Variants in NAALADL2 observed in about 807,000 individuals in gnomAD.
NAALADL2 encodes the protein N-acetylated alpha-linked acidic dipeptidase like 2.
NAALADL2 carries 76 observed loss-of-function variants against 87.2 expected under a neutral mutation model. The ratio of observed to expected loss-of-function variants is 0.87; its 90% confidence interval spans 0.72 to 1.05. The LOEUF is 1.05. NAALADL2 is among the 50% of genes least tolerant of loss of function. NAALADL2 has a pLI of 0.00. For missense variants in NAALADL2, 1,089 were observed against 945.8 expected, an observed-to-expected ratio of 1.15 and a Z score of -1.99; for synonymous variants, 354 against 331.0, an observed-to-expected ratio of 1.07 and a Z score of -0.75.
chr3:175,255,953 G>GT (rs1235203375), intron 3 of NAALADL2, among the ~76,000 whole-genome samples: 1 of 152,222 alleles, frequency 6.6e-6, no homozygotes. Context: ...ATGAGCAGCT[G>GT]TTCAGGATGA....
Position 175,667,121 on chromosome 3 carries a change from G to A in NAALADL2, c.1896+39735G>A, listed in dbSNP as rs188792419. 3.8e-3 allele frequency among the ~76,000 whole-genome samples: 555 copies of A among 146,682 alleles called. 2 individuals are homozygous for A. The highest frequency in any genetic ancestry group is 0.013 in the African/African-American group (529 of 39,508). On this transcript the variant is annotated intron_variant, in intron 11 of 13. Transcript: ENST00000454872. Reference sequence around the variant, plus strand: ...AAGGAAGGAAGGAAGGAAAGAGAGAGAGAGAAAAAGAAAGAAAGAAAGAGA... The same window carrying A: ...AAGGAAGGAAGGAAGGAAAGAGAGAAAGAGAAAAAGAAAGAAAGAAAGAGA...
At chr3:175,200,868 C>A (rs913139118) in intron 2 of NAALADL2, among the ~76,000 whole-genome samples, 4 of 152,156 alleles carry the variant, frequency 2.6e-5, no homozygotes, top group Admixed American at 1.3e-4. Context: ...AAATTCCAGA[C>A]TATACTGTAC....
intron 1 of NAALADL2, among the ~76,000 whole-genome samples, chr3:175,020,054 A>G (rs755436398): frequency 6.6e-6 from 1 of 152,066 alleles, no homozygotes; most frequent in Non-Finnish European, 1.5e-5. Flanking sequence ...CACAATTAAC[A>G]AACAGGAGCA....
chr3:175,743,791 G>A (rs997208850), intron 12 of NAALADL2, among the ~76,000 whole-genome samples: 2 of 152,182 alleles, frequency 1.3e-5, no homozygotes, highest in Admixed American at 6.5e-5. Context: ...TAGAAAGAGT[G>A]CAGACATTGG....
chr3:175,291,386 G>GTTT (rs1581275089), intron 4 of NAALADL2, among the ~76,000 whole-genome samples: 1 of 152,080 alleles, frequency 6.6e-6, no homozygotes, highest in South Asian at 2.1e-4. Flanking sequence ...TGATAAATAG[G>GTTT]TTTATCTTGT....
intron 2 of NAALADL2, among the ~76,000 whole-genome samples, chr3:175,166,333 C>T (rs1344756833): frequency 6.6e-6 from 1 of 151,920 alleles, no homozygotes; most frequent in Non-Finnish European, 1.5e-5. Flanking sequence ...TCCCTTGCAT[C>T]CTCAAATTTC....
At chr3:175,451,254 T>A (rs1002714139) in intron 6 of NAALADL2, among the ~76,000 whole-genome samples, 2 of 152,092 alleles carry the variant, frequency 1.3e-5, no homozygotes, top group Admixed American at 1.3e-4. Context: ...AACAAAAGAA[T>A]TAAATGCCTT....
chr3:175,405,772 T>C (rs1265219854), intron 5 of NAALADL2, among the ~76,000 whole-genome samples: 1 of 152,220 alleles, frequency 6.6e-6, no homozygotes, highest in Non-Finnish European at 1.5e-5. Flanking sequence ...GTGCATTGTC[T>C]CATTTAATCT....
At chr3:175,722,302 T>C (rs1231832415) in intron 11 of NAALADL2, among the ~76,000 whole-genome samples, 1 of 152,134 alleles carries the variant, frequency 6.6e-6, no homozygotes, top group Non-Finnish European at 1.5e-5. Context: ...TTAAGTTATA[T>C]ATTTCACAAG....
intron 10 of NAALADL2, among the ~76,000 whole-genome samples, chr3:175,584,418 A>G (rs1285089995): frequency 1.3e-5 from 2 of 152,180 alleles, no homozygotes; most frequent in Admixed American, 6.5e-5. Context: ...CATCTATTCA[A>G]TGATAGAATC....
chr3:175,051,343 T>C (rs1300757479), intron 1 of NAALADL2, among the ~76,000 whole-genome samples: 1 of 152,162 alleles, frequency 6.6e-6, no homozygotes, highest in Non-Finnish European at 1.5e-5. Context: ...AGGCATAGCT[T>C]TGAGGGGTCT....
chr3:175,677,946 A>T (rs900826398), intron 11 of NAALADL2, among the ~76,000 whole-genome samples: 3 of 152,098 alleles, frequency 2.0e-5, no homozygotes, highest in Admixed American at 6.5e-5. Context: ...AGCTGTCTCT[A>T]TATAATCATA....
chr3:175,463,557 A>G (rs891733890), intron 7 of NAALADL2, 64 bp downstream of exon 7: 1 of 843,066 alleles, frequency 1.2e-6, no homozygotes, highest in African/African-American at 1.7e-5. Flanking sequence ...AATGCTCTGT[A>G]ATAATTTAAT....
At chr3:175,695,963 T>A (rs147769213) in intron 11 of NAALADL2, among the ~76,000 whole-genome samples, 63 of 152,288 alleles carry the variant, frequency 4.1e-4, no homozygotes, top group African/African-American at 1.5e-3. Context: ...TCACTGGGTA[T>A]GCAAAATAGA....
chr3:175,761,718 T>C (rs1407571094), intron 13 of NAALADL2, among the ~76,000 whole-genome samples: 3 of 152,210 alleles, frequency 2.0e-5, no homozygotes, highest in Non-Finnish European at 4.4e-5. Flanking sequence ...GGTATTTCAT[T>C]GTTGTTTGAA....
At chr3:175,130,690 TG>T (rs1376140121) in intron 2 of NAALADL2, among the ~76,000 whole-genome samples, 2 of 152,230 alleles carry the variant, frequency 1.3e-5, no homozygotes, top group African/African-American at 4.8e-5. Context: ...ATTATGTATT[TG>T]TTTCTCTTTA....
At chr3:175,314,105 G>A in intron 4 of NAALADL2, among the ~76,000 whole-genome samples, 1 of 149,862 alleles carries the variant, frequency 6.7e-6, no homozygotes, top group Non-Finnish European at 1.5e-5. Flanking sequence ...AGTGAAAAGT[G>A]TCCTTTCTCT....
At chr3:175,239,128 T>C (rs1017172869) in intron 3 of NAALADL2, among the ~76,000 whole-genome samples, 16 of 152,192 alleles carry the variant, frequency 1.1e-4, no homozygotes, top group African/African-American at 3.9e-4. Context: ...TACAACTTCT[T>C]TGTAATTCAT....
chr3:175,463,043 A>AT (rs1287353050), intron 6 of NAALADL2, among the ~76,000 whole-genome samples: 1 of 152,062 alleles, frequency 6.6e-6, no homozygotes, highest in South Asian at 2.1e-4. Flanking sequence ...ATTTTAATCT[A>AT]TTTTTTTCTG....
Sources: gnomAD v4.1 joint callset for allele counts (sites outside exome capture counted in the v4.1 genomes callset) on GRCh38, gnomAD v4.1.1 for gene constraint, MANE v1.5 for transcripts, NCBI Gene and HGNC (gene_info 2026-07-23, HGNC 2026-07-21) for gene names.